Variants in NKIRAS1 observed in about 807,000 individuals in gnomAD.
NKIRAS1 encodes NF-kappa-B inhibitor-interacting Ras-like protein 1.
Under a neutral mutation model 19.8 loss-of-function variants are expected in NKIRAS1, and 16 were observed. The observed-to-expected ratio is 0.81, with a 90% confidence interval of 0.55 to 1.23. The LOEUF (loss-of-function observed/expected upper bound fraction) is 1.23, where lower values mean the gene tolerates loss of function less well. NKIRAS1 is among the 50% of genes most tolerant of loss of function. The pLI is 0.00. For synonymous variants in NKIRAS1, 88 were observed against 79.0 expected (o/e 1.11, Z -0.61); for missense variants, 184 against 220.0 (o/e 0.84, Z 1.04).
intron 1 of NKIRAS1, chr3:23,946,273 C>G (rs1258994346): frequency 4.1e-6 from 4 of 985,378 alleles, no homozygotes; most frequent in Admixed American, 6.1e-5. Flanking sequence ...AGGCGCGGAC[C>G]CCGCGCAAAC....
rs762725417 is a variant in NKIRAS1 at position 23,893,293 on chromosome 3, C to T, written c.381G>A (p.Gln127=). The change falls in exon 5 of 5, where the codon CAG becomes CAA. Residue 127 remains glutamine, a synonymous_variant. Transcript: ENST00000425478. ...VLGNKIDLSE[Q]RQVDAEVAQQ... ...GTGCCACTTCAGCGTCCACTTGTCT[C>T]TGCTCAGAAAGGTCGATTTTGTTTC... 1.6e-5 allele frequency: 26 copies of T among 1,613,926 alleles called. No individual in the cohort carries two copies.
At chr3:23,910,771 T>G in intron 3 of NKIRAS1, 40 bp downstream of exon 3, 1 of 1,480,160 alleles carries the variant, frequency 6.8e-7, no homozygotes, top group Non-Finnish European at 9.4e-7. Context: ...CCCTGATAGC[T>G]CCCAGAACCT....
At chr3:23,928,146 C>T (rs936993504) in intron 1 of NKIRAS1, among the ~76,000 whole-genome samples, 2 of 149,000 alleles carry the variant, frequency 1.3e-5, no homozygotes, top group African/African-American at 5.0e-5. Flanking sequence ...ACACACAGTT[C>T]ATCTGAGCCA....
chr3:23,944,894 G>C (rs950689624), intron 1 of NKIRAS1, among the ~76,000 whole-genome samples: 2 of 152,022 alleles, frequency 1.3e-5, no homozygotes, highest in Middle Eastern at 3.2e-3. Context: ...GGCCCAGCCG[G>C]GGTCCTGAGA....
upstream of NKIRAS1, chr3:23,918,445 G>A (rs771958480): frequency 1.1e-5 from 18 of 1,612,238 alleles, no homozygotes; most frequent in East Asian, 2.2e-5. Flanking sequence ...TGTAGGTTAC[G>A]TTATATATAG....
upstream of NKIRAS1, chr3:23,920,448 AC>A (rs1437977540): frequency 5.3e-5 from 52 of 985,278 alleles, no homozygotes; most frequent in African/African-American, 8.2e-4. Flanking sequence ...AAAAATCCTT[AC>A]CATTCCACAA....
At chr3:23,898,158 A>T (rs931718488) in intron 4 of NKIRAS1, among the ~76,000 whole-genome samples, 2 of 152,170 alleles carry the variant, frequency 1.3e-5, no homozygotes, top group Non-Finnish European at 2.9e-5. Flanking sequence ...TTTCGGTGGG[A>T]AAGATGGGAA....
chr3:23,913,507 G>A (rs1024469112), intron 1 of NKIRAS1, among the ~76,000 whole-genome samples: 2 of 152,092 alleles, frequency 1.3e-5, no homozygotes, highest in Admixed American at 1.3e-4. Flanking sequence ...CAATTACAAA[G>A]TTAAGAATTC....
At chr3:23,925,506 C>T (rs377483533) in intron 1 of NKIRAS1, among the ~76,000 whole-genome samples, 4 of 152,078 alleles carry the variant, frequency 2.6e-5, no homozygotes, top group African/African-American at 9.7e-5. Flanking sequence ...CAGTGGCATG[C>T]GCCTGTGGTT....
At chr3:23,936,471 TA>T (rs1265743648) in intron 1 of NKIRAS1, among the ~76,000 whole-genome samples, 2 of 152,218 alleles carry the variant, frequency 1.3e-5, no homozygotes, top group Non-Finnish European at 2.9e-5. Context: ...GAGGGCTTGT[TA>T]AAATACCAAT....
chr3:23,919,674 T>A (rs547148858), upstream of NKIRAS1: 3,406 of 1,399,644 alleles, frequency 2.4e-3, 8 homozygotes, highest in Admixed American at 3.2e-3. Context: ...TGGTGTATCT[T>A]GTTTCTAATA....
At chr3:23,918,341 T>C (rs1164334115), upstream of NKIRAS1, 163 of 1,348,802 alleles carry the variant, frequency 1.2e-4, 2 homozygotes, top group East Asian at 2.9e-3. Context: ...ATTAACTTAC[T>C]GTTGAAGTAT....
intron 3 of NKIRAS1, among the ~76,000 whole-genome samples, chr3:23,907,403 C>A (rs1703181872): frequency 6.6e-6 from 1 of 152,146 alleles, no homozygotes; most frequent in Non-Finnish European, 1.5e-5. Context: ...GTGTTGGCAC[C>A]CCTAACCCGT....
In NKIRAS1 at chr3:23,927,597, A is replaced by G. The variant is rs1049579796; in HGVS notation, c.-139-16147T>C. ...TCATTTATTGGCAATTCTCATTGTC[A>G]TTTGGAGAGAAGTTCATTATTTGGC... On this transcript the variant is annotated intron_variant, in intron 1 of 4. Transcript: ENST00000421515. This position sits in a 1 kb window ranked among gnomAD's most constrained non-coding sequence, Gnocchi z 4.0. Among the ~76,000 whole-genome samples, 1 of 152,220 alleles carries G rather than the reference A, an allele frequency of 6.6e-6. No individual in the cohort carries two copies. The highest frequency in any genetic ancestry group is 2.4e-5 in the African/African-American group (1 of 41,456).
At chr3:23,942,376 A>G (rs898546698) in intron 1 of NKIRAS1, among the ~76,000 whole-genome samples, 20 of 152,114 alleles carry the variant, frequency 1.3e-4, no homozygotes, top group African/African-American at 4.8e-4. Flanking sequence ...ACGGTGGTAC[A>G]TTTGTTACCA....
chr3:23,917,160 G>T (rs544939960), upstream of NKIRAS1: 1 of 153,126 alleles, frequency 6.5e-6, no homozygotes, highest in African/African-American at 2.4e-5. Context: ...TTTCCGTCTG[G>T]CGGCAGCCAT....
At chr3:23,914,341 T>C (rs1704080606) in intron 1 of NKIRAS1, among the ~76,000 whole-genome samples, 1 of 152,196 alleles carries the variant, frequency 6.6e-6, no homozygotes, top group Admixed American at 6.5e-5. Context: ...CACAACTTTC[T>C]GACGCAACCA....
chr3:23,903,047 C>A (rs1003508782), intron 3 of NKIRAS1, among the ~76,000 whole-genome samples: 2 of 152,216 alleles, frequency 1.3e-5, no homozygotes, highest in African/African-American at 4.8e-5. Context: ...CCTGCCAGAT[C>A]ACTTTAGTGA....
intron 1 of NKIRAS1, among the ~76,000 whole-genome samples, chr3:23,936,082 CAAAA>C (rs35945213): frequency 8.9e-4 from 57 of 63,906 alleles, no homozygotes; most frequent in African/African-American, 3.2e-3. Context: ...GACCCTGTCT[CAAAA>C]AAAAAAAAAA....
Sources: allele counts gnomAD v4.1 joint callset (sites outside exome capture counted in the v4.1 genomes callset), GRCh38; gene constraint gnomAD v4.1.1; non-coding constraint Gnocchi (gnomAD v3.1); transcripts MANE v1.5; gene names NCBI Gene and HGNC (gene_info 2026-07-23, HGNC 2026-07-21).